The following GIT1 variants were observed in gnomAD, a reference collection of about 807,000 sequenced individuals.
GIT1 encodes ARF GTPase-activating protein GIT1.
Under a neutral mutation model 91.7 loss-of-function variants are expected in GIT1, and 14 were observed. The ratio of observed to expected loss-of-function variants is 0.15; its 90% CI spans 0.10 to 0.24. The LOEUF is 0.24. Among genes scored for constraint, GIT1 ranks in the 10% least tolerant of loss-of-function variants. The pLI is 1.00. For synonymous variants in GIT1, 414 were observed against 418.2 expected (o/e 0.99, Z 0.12); for missense variants, 717 against 1,024.9 (o/e 0.70, Z 4.10).
chr17:29,581,550 C>A lies in GIT1; in HGVS notation c.719-170G>T. 1 of 705,390 alleles carries A rather than the reference C, an allele frequency of 1.4e-6. No homozygotes were observed. Among genetic ancestry groups the A allele is most frequent in the Non-Finnish European group, 2.5e-6 (1 of 399,304 alleles). The allele number at this position is 705,390 out of a possible 1,614,324, so 43.7% of individuals were successfully genotyped here. A position where few individuals can be genotyped will look rare whatever the true frequency, so the allele number is the denominator to read the frequency against. ...GAGCTCGTGGGAGGATGCAGGATGC[C>A]CACCCCCACTCCCTAGCCCCAGCGA... On this transcript the variant is annotated intron_variant, in intron 6 of 19. Transcript: ENST00000225394. The surrounding 1 kb of genome is among the most constrained non-coding windows in gnomAD (Gnocchi z 4.8).
In GIT1 at chr17:29,577,799, G is replaced by T. The variant is rs2033266299; in HGVS notation, c.884-57C>A. ...CGGTGGCCAGGCCCCCAAGGTGGGG[G>T]TGGGGAAGCACTGAGCCCAGCCTTC... On this transcript the variant is annotated intron_variant, in intron 9 of 19. Coordinates refer to ENST00000225394, the MANE Select transcript of GIT1 (RefSeq NM_014030.4). 11 of 1,069,084 alleles carry T rather than the reference G, an allele frequency of 1.0e-5. No individual in the cohort carries two copies. The Admixed American group carries it at 1.9e-4, about 18-fold the overall frequency. The allele number at this position is 1,069,084 out of a possible 1,614,324, so 66.2% of individuals were successfully genotyped here.
Position 29,577,188 on chromosome 17 carries a change from A to C in GIT1, c.1041T>G (p.Ile347Met). 6.2e-7 allele frequency: 1 copy of C among 1,613,894 alleles called. No homozygotes were observed. Residue 347 changes from isoleucine to methionine, a missense_variant, in exon 11 of 20, where the codon ATT becomes ATG. Around this residue, in one of 3 missense-constraint regions of GIT1, gnomAD observed 312 missense variants for 349.5 expected, o/e 0.89. Transcript: ENST00000225394. ...AREFATLIIDILSEAKRRQQG... is the reference protein window; with the variant it reads ...AREFATLIIDMLSEAKRRQQG... ...GCTGTCTCCGCTTGGCCTCACTGAG[A>C]ATGTCGATGATCAAGGTGGCAAACT...
chr17:29,587,428 G>A (rs2033626948), intron 1 of GIT1, among the ~76,000 whole-genome samples: 1 of 152,138 alleles, frequency 6.6e-6, no homozygotes, highest in African/African-American at 2.4e-5. Flanking sequence ...CCACCTTCCT[G>A]ACCTCTATTG....
chr17:29,578,797 T>C lies in GIT1; in HGVS notation c.762-18A>G. On this transcript the variant is annotated intron_variant, in intron 7 of 19. Coordinates refer to ENST00000225394, the MANE Select transcript of GIT1 (RefSeq NM_014030.4). ...AGTCAAGGCTGAGGGCAGAGGGAGA[T>C]GGGAATTGGGAGGAGAGGAGAGACC... 2.5e-6 allele frequency: 4 copies of C among 1,613,156 alleles called. No homozygotes were observed. Among genetic ancestry groups the C allele is most frequent in the Non-Finnish European group, 3.4e-6 (4 of 1,179,202 alleles).
chr17:29,574,368 G>C lies in GIT1; in HGVS notation c.*334C>G. 2.9e-6 allele frequency: 1 copy of C among 349,150 alleles called. No individual in the cohort carries two copies. The highest frequency in any genetic ancestry group is 4.4e-5 in the Admixed American group (1 of 22,832). The allele number at this position is 349,150 out of a possible 1,614,324, so 21.6% of individuals were successfully genotyped here. A position where few individuals can be genotyped will look rare whatever the true frequency, so the allele number is the denominator to read the frequency against. ...CATGTACGGAGAGCTGCCCCACTTGGAGTGTCCCCACCTGCCCCTTTGCTG... is the reference window on the plus strand; with the variant it reads ...CATGTACGGAGAGCTGCCCCACTTGCAGTGTCCCCACCTGCCCCTTTGCTG... On this transcript the variant is annotated 3_prime_UTR_variant, in exon 20 of 20. Coordinates refer to ENST00000225394, the MANE Select transcript of GIT1 (RefSeq NM_014030.4).
At chr17:29,582,662 G>T in intron 4 of GIT1, 36 bp downstream of exon 4, 1 of 1,357,062 alleles carries the variant, frequency 7.4e-7, no homozygotes, top group Non-Finnish European at 1.1e-6. Flanking sequence ...GGAAGAAGAG[G>T]AGGGGGCCAC....
Position 29,575,183 on chromosome 17 carries a change from G to C in GIT1, c.2010-41C>G, listed in dbSNP as rs200748938. On this transcript the variant is annotated intron_variant, in intron 18 of 19. Transcript: ENST00000225394. This position sits in a 1 kb window ranked among gnomAD's most constrained non-coding sequence, Gnocchi z 5.5. ...AGGCTATAAAGCAGGGGGCTCTCAA[G>C]GGAGGTTCCCAGGGACAGCAGAACC... 6.4e-7 allele frequency: 1 copy of C among 1,569,118 alleles called. No homozygotes were observed. The highest frequency in any genetic ancestry group is 2.3e-5 in the East Asian group (1 of 44,302).
intron 1 of GIT1, among the ~76,000 whole-genome samples, chr17:29,586,980 G>A (rs1203600587): frequency 2.0e-5 from 3 of 152,190 alleles, no homozygotes; most frequent in African/African-American, 7.2e-5. Context: ...AGCAGAGGGA[G>A]GATGGGGCTC....
chr17:29,585,416 A>G (rs1285663920), intron 1 of GIT1, among the ~76,000 whole-genome samples: 1 of 152,182 alleles, frequency 6.6e-6, no homozygotes, highest in African/African-American at 2.4e-5. Context: ...CAGGCATGGA[A>G]GGCTGACTAT....
rs1483793669 is a variant in GIT1 at position 29,577,184 on chromosome 17, T to G, written c.1045A>C (p.Ser349Arg). The change falls in exon 11 of 20, where the codon AGT becomes CGT. Residue 349 changes from serine (S) to arginine (R), a missense_variant. By Grantham distance (110) the Ser-to-Arg change is moderately radical (BLOSUM62 -1). Around this residue, in one of 3 missense-constraint regions of GIT1, gnomAD observed 312 missense variants for 349.5 expected, o/e 0.89. Coordinates refer to ENST00000225394, the MANE Select transcript of GIT1 (RefSeq NM_014030.4). ...CCCTGCTGTCTCCGCTTGGCCTCAC[T>G]GAGAATGTCGATGATCAAGGTGGCA... ...EFATLIIDIL[S>R]EAKRRQQGKS... 2.5e-6 allele frequency: 4 copies of G among 1,613,878 alleles called. No homozygotes were observed. The highest frequency in any genetic ancestry group is 2.5e-6 in the Non-Finnish European group (3 of 1,179,962).
chr17:29,584,045 A>G (rs866888792), intron 1 of GIT1, among the ~76,000 whole-genome samples: 4 of 152,118 alleles, frequency 2.6e-5, no homozygotes, highest in Admixed American at 2.6e-4. Flanking sequence ...GACAGATCAC[A>G]CCCGTCCACA....
chr17:29,582,836 T>G lies in GIT1; in HGVS notation c.300-33A>C, dbSNP rs377327597. 1.1e-4 allele frequency: 167 copies of G among 1,586,808 alleles called. No homozygotes were observed. The African/African-American group carries it at 2.0e-3, about 19-fold the overall frequency. ...GGGCACACAGGAGGAATGGGGAGCA[T>G]GGTGGGAGAGGGTGGTCACCTTGCC... On this transcript the variant is annotated intron_variant, in intron 3 of 19. Coordinates refer to ENST00000225394, the MANE Select transcript of GIT1 (RefSeq NM_014030.4).
chr17:29,583,031 G>A lies in GIT1; in HGVS notation c.193C>T (p.His65Tyr). 1.3e-6 allele frequency: 2 copies of A among 1,600,004 alleles called. No homozygotes were observed. The highest frequency in any genetic ancestry group is 8.5e-7 in the Non-Finnish European group (1 of 1,170,320). The change falls in exon 3 of 20, where the codon CAC (histidine) becomes TAC (tyrosine). Residue 65 changes from histidine to tyrosine, a missense_variant. Physicochemically the swap from His to Tyr is moderately conservative, Grantham distance 83. Coordinates refer to ENST00000225394, the MANE Select transcript of GIT1 (RefSeq NM_014030.4). ...TTGGCCCCGTTGCTGGCAAGCGTGTGCACCATCTGCAGGGAAGAGATGCCA... is the reference window on the plus strand; with the variant it reads ...TTGGCCCCGTTGCTGGCAAGCGTGTACACCATCTGCAGGGAAGAGATGCCA... ...AWPPTLLQMV[H>Y]TLASNGANSI...
At chr17:29,578,835 A>T (rs1181937358) in intron 7 of GIT1, 56 bp from the exon 8 acceptor site, 2 of 1,580,980 alleles carry the variant, frequency 1.3e-6, no homozygotes, top group African/African-American at 1.3e-5. Flanking sequence ...AGAGGTGGCC[A>T]GGCCCATGCC....
intron 9 of GIT1, among the ~76,000 whole-genome samples, 171 bp downstream of exon 9, chr17:29,578,128 C>T (rs192126585): frequency 3.3e-5 from 5 of 152,316 alleles, no homozygotes; most frequent in African/African-American, 9.6e-5. Context: ...CCTCAGCACT[C>T]TACCCAGCCT....
At position 29,575,813 on chromosome 17, in the gene GIT1, G is replaced by C. The variant is rs755275423; in HGVS notation, c.1751C>G (p.Thr584Arg). 1 of 1,612,676 alleles carries C rather than the reference G, an allele frequency of 6.2e-7. No homozygotes were observed. Among genetic ancestry groups the C allele is most frequent in the Non-Finnish European group, 8.5e-7 (1 of 1,179,342 alleles). Residue 584 changes from threonine (T) to arginine (R), a missense_variant and splice_region_variant, in exon 16 of 20, where the codon ACG (threonine) becomes AGG (arginine). Around this residue, in one of 3 missense-constraint regions of GIT1, gnomAD observed 312 missense variants for 349.5 expected, o/e 0.89. Coordinates refer to ENST00000225394, the MANE Select transcript of GIT1 (RefSeq NM_014030.4). The surrounding 1 kb of genome is among the most constrained non-coding windows in gnomAD (Gnocchi z 5.5). ...GGGCACTGGGCATGGAAACATTACC[G>C]TGTGGCGGCTTCCCTCCTGGGAGCA... is the stretch of plus-strand genomic sequence containing the variant. ...LSCSQEGSRH[T>R]SKLSRHGSGA...
At position 29,589,430 on chromosome 17, in the gene GIT1, C is replaced by A. The variant is rs1598586026; in HGVS notation, c.-52G>T. On this transcript the variant is annotated 5_prime_UTR_variant, in exon 1 of 20. Coordinates refer to ENST00000225394, the MANE Select transcript of GIT1 (RefSeq NM_014030.4). This position sits in a 1 kb window ranked among gnomAD's most constrained non-coding sequence, Gnocchi z 5.2. The stretch of plus-strand genomic sequence containing the variant: ...TCTGGGCCAGCGTGGGGGGCGCGGG[C>A]GGCGGGCCCGGGCGGCGGCGGCGGC... The A allele has an allele frequency of 1.1e-5, 9 of 805,676 alleles. No individual in the cohort carries two copies. Among genetic ancestry groups the A allele is most frequent in the Non-Finnish European group, 1.3e-5 (9 of 668,136 alleles). 49.9% of individuals were successfully genotyped at this position (805,676 alleles called of 1,614,324 possible). A position where few individuals can be genotyped will look rare whatever the true frequency, so the allele number is the denominator to read the frequency against.
chr17:29,574,850 T>A lies in GIT1; in HGVS notation c.2138A>T (p.Gln713Leu). The change falls in exon 20 of 20, where the codon CAG (glutamine) becomes CTG (leucine). Residue 713 changes from glutamine to leucine, a missense_variant. Physicochemically the swap from Gln to Leu is moderately radical, Grantham distance 113 (BLOSUM62 -2). Coordinates refer to ENST00000225394, the MANE Select transcript of GIT1 (RefSeq NM_014030.4). ...RLLNASAYRLQSECRKTVPPE... is the reference protein window; with the variant it reads ...RLLNASAYRLLSECRKTVPPE... Reference sequence around the variant, plus strand: ...GGGCACTGTCTTCCGGCACTCACTCTGCAGCCGGTAGGCGCTGGCGTTGAG... The same window carrying A: ...GGGCACTGTCTTCCGGCACTCACTCAGCAGCCGGTAGGCGCTGGCGTTGAG... 1 of 1,602,070 alleles carries A rather than the reference T, an allele frequency of 6.2e-7. No individual in the cohort carries two copies. The highest frequency in any genetic ancestry group is 8.5e-7 in the Non-Finnish European group (1 of 1,176,686).
intron 7 of GIT1, 60 bp from the exon 8 acceptor site, chr17:29,578,839 C>A (rs372751799): frequency 6.3e-6 from 10 of 1,575,000 alleles, no homozygotes; most frequent in Non-Finnish European, 8.7e-6. Context: ...GTGGCCAGGC[C>A]CATGCCAGCA....
Sources: allele counts gnomAD v4.1 joint callset (sites outside exome capture counted in the v4.1 genomes callset), GRCh38; gene constraint gnomAD v4.1.1; regional missense constraint gnomAD v4.1.1; non-coding constraint Gnocchi (gnomAD v3.1); transcripts MANE v1.5; gene names NCBI Gene and HGNC (gene_info 2026-07-23, HGNC 2026-07-21).